ARHGAP40: variants seen among roughly 807,000 people sequenced by gnomAD.
ARHGAP40 encodes Rho GTPase activating protein 40.
ARHGAP40 carries 43 observed loss-of-function variants against 73.5 expected under a neutral mutation model. The ratio of observed to expected loss-of-function variants is 0.58; its 90% confidence interval spans 0.46 to 0.75. The LOEUF (loss-of-function observed/expected upper bound fraction) is 0.75, where lower values mean the gene tolerates loss of function less well. ARHGAP40 is among the 30% of genes least tolerant of loss of function. The pLI is 0.00. For missense variants in ARHGAP40, 734 were observed against 861.8 expected (o/e 0.85, Z 1.86); for synonymous variants, 300 against 352.8 (o/e 0.85, Z 1.68).
chr20:38,634,896 T>TA, intron 6 of ARHGAP40, 111 bp downstream of exon 6: 1 of 1,139,024 alleles, frequency 8.8e-7, no homozygotes, highest in South Asian at 1.6e-5. Context: ...CTTTTTTTTT[T>TA]TTTTGAGACG....
rs529209175 is a variant in ARHGAP40, at chr20:38,646,432, C to A, written c.1710+245C>A. 2.0e-5 allele frequency among the ~76,000 whole-genome samples: 3 copies of A among 152,280 alleles called. No individual in the cohort carries two copies. Among genetic ancestry groups the A allele is most frequent in the African/African-American group, 7.2e-5 (3 of 41,560 alleles). ...GGAGACTTCCCCTAGAAACCGTCAC[C>A]GCCGCCCCATTTTTCGGCAGCCCCT... On this transcript the variant is annotated intron_variant, in intron 12 of 14. Transcript: ENST00000373345. This position sits in a 1 kb window ranked among gnomAD's most constrained non-coding sequence, Gnocchi z 4.5.
intron 3 of ARHGAP40, among the ~76,000 whole-genome samples, chr20:38,628,619 T>A (rs1052323314): frequency 1.3e-5 from 2 of 152,236 alleles, no homozygotes; most frequent in African/African-American, 4.8e-5. Flanking sequence ...AAAATACTTT[T>A]TTATTGTCAC....
chr20:38,622,109 A>ATC (rs1335255753), intron 1 of ARHGAP40, among the ~76,000 whole-genome samples: 2 of 148,598 alleles, frequency 1.3e-5, no homozygotes, highest in Non-Finnish European at 3.0e-5. Flanking sequence ...ATATATATAT[A>ATC]TTTTTTTTTT....
chr20:38,623,611 G>A, intron 2 of ARHGAP40, 53 bp downstream of exon 2: 3 of 1,220,058 alleles, frequency 2.5e-6, no homozygotes, highest in South Asian at 2.8e-5. Flanking sequence ...TTGATTCCAG[G>A]CAGAGAAATG....
At position 38,633,570 on chromosome 20, in the gene ARHGAP40, A is replaced by G. The variant is rs183719511; in HGVS notation, c.784-1050A>G. 3.3e-5 allele frequency among the ~76,000 whole-genome samples: 5 copies of G among 152,340 alleles called. No homozygotes were observed. The East Asian group carries it at 9.6e-4, about 29-fold the overall frequency. On this transcript the variant is annotated intron_variant, in intron 5 of 14. Transcript: ENST00000373345. Reference sequence around the variant, plus strand: ...GGTAAAATTATTTGCGTGCACTCACAGGTAAAGTCAGGATTTGAACCCCGG... The same window carrying G: ...GGTAAAATTATTTGCGTGCACTCACGGGTAAAGTCAGGATTTGAACCCCGG...
intron 1 of ARHGAP40, among the ~76,000 whole-genome samples, chr20:38,612,563 G>T (rs560839110): frequency 1.3e-5 from 2 of 152,056 alleles, no homozygotes; most frequent in Non-Finnish European, 2.9e-5. Flanking sequence ...AATTCCAGCC[G>T]GGAGGCTGAG....
intron 2 of ARHGAP40, among the ~76,000 whole-genome samples, chr20:38,624,138 C>T (rs945501865): frequency 2.0e-5 from 3 of 152,176 alleles, no homozygotes; most frequent in Non-Finnish European, 4.4e-5. Flanking sequence ...CATGCAGTTA[C>T]AATCAAATGG....
At chr20:38,608,835 C>G (rs766277791) in intron 1 of ARHGAP40, among the ~76,000 whole-genome samples, 1 of 152,246 alleles carries the variant, frequency 6.6e-6, no homozygotes, top group Non-Finnish European at 1.5e-5. Flanking sequence ...GACTGTGATC[C>G]TTTCTGGAGG....
intron 3 of ARHGAP40, 92 bp downstream of exon 3, chr20:38,627,307 G>A (rs2088904175): frequency 1.7e-6 from 2 of 1,160,948 alleles, no homozygotes; most frequent in Admixed American, 2.4e-5. Flanking sequence ...CTGCTGAAGG[G>A]CTGTGTTGGT....
chr20:38,611,424 T>TA lies in ARHGAP40; in HGVS notation c.137+9345_137+9346insA, dbSNP rs1452851704. On this transcript the variant is annotated intron_variant, in intron 1 of 14. Transcript: ENST00000373345. ...AAGCCTATTTAAAACTTTTTTTTTT[T>TA]TTTTTTTTTTAGAAACAGGGTCTCA... 6.0e-5 allele frequency among the ~76,000 whole-genome samples: 9 copies of TA among 150,576 alleles called. No homozygotes were observed. In the South Asian group the frequency reaches 1.7e-3, roughly 28 times the overall value.
At chr20:38,611,849 C>T (rs1344150623) in intron 1 of ARHGAP40, among the ~76,000 whole-genome samples, 2 of 151,974 alleles carry the variant, frequency 1.3e-5, no homozygotes, top group African/African-American at 4.8e-5. Context: ...GCTGGGATTA[C>T]AGGCACGAGC....
intron 1 of ARHGAP40, among the ~76,000 whole-genome samples, chr20:38,612,638 C>G (rs2088810632): frequency 6.6e-6 from 1 of 151,318 alleles, no homozygotes; most frequent in Admixed American, 6.6e-5. Context: ...CCACTGCACT[C>G]CAACCTGGGC....
intron 1 of ARHGAP40, among the ~76,000 whole-genome samples, chr20:38,605,741 G>T (rs2088767486): frequency 6.6e-6 from 1 of 152,128 alleles, no homozygotes; most frequent in African/African-American, 2.4e-5. Context: ...TTACATACAT[G>T]TATACGTAAA....
intron 1 of ARHGAP40, among the ~76,000 whole-genome samples, chr20:38,607,181 A>G (rs1249242543): frequency 6.6e-6 from 1 of 152,236 alleles, no homozygotes; most frequent in Non-Finnish European, 1.5e-5. Context: ...TGGGACAAGT[A>G]CATTCGGGAC....
chr20:38,605,305 C>A (rs1426208245), intron 1 of ARHGAP40, among the ~76,000 whole-genome samples: 2 of 152,294 alleles, frequency 1.3e-5, no homozygotes, highest in Non-Finnish European at 1.5e-5. Flanking sequence ...GCTCTCTCAG[C>A]CCTTAAGATG....
intron 2 of ARHGAP40, among the ~76,000 whole-genome samples, chr20:38,625,873 T>G (rs1003912740): frequency 3.3e-5 from 5 of 152,292 alleles, no homozygotes; most frequent in African/African-American, 1.2e-4. Context: ...TAGTAAAAAA[T>G]GTAGCCCATG....
intron 1 of ARHGAP40, chr20:38,615,246 G>A: frequency 1.3e-6 from 1 of 771,806 alleles, no homozygotes; most frequent in South Asian, 1.4e-5. Context: ...TTTCATTCAT[G>A]ATCCCTCATC....
chr20:38,640,342 A>G (rs2089010862), intron 9 of ARHGAP40, among the ~76,000 whole-genome samples: 1 of 149,988 alleles, frequency 6.7e-6, no homozygotes, highest in Admixed American at 6.6e-5. Context: ...TCAGCCTCCC[A>G]AGTAGCTAAG....
intron 5 of ARHGAP40, among the ~76,000 whole-genome samples, chr20:38,631,395 A>G (rs1249166926): frequency 6.6e-6 from 1 of 152,082 alleles, no homozygotes; most frequent in African/African-American, 2.4e-5. Flanking sequence ...ATGGACTTAC[A>G]GTTCCACATG....
Sources: allele counts gnomAD v4.1 joint callset (sites outside exome capture counted in the v4.1 genomes callset), GRCh38; gene constraint gnomAD v4.1.1; non-coding constraint Gnocchi (gnomAD v3.1); transcripts MANE v1.5; gene names NCBI Gene and HGNC (gene_info 2026-07-23, HGNC 2026-07-21).